Variants in SORCS2 observed in about 807,000 individuals in gnomAD.
The protein encoded by SORCS2 is VPS10 domain-containing receptor SorCS2.
Under a neutral mutation model 141.6 loss-of-function variants are expected in SORCS2, and 100 were observed. That is an observed-to-expected ratio of 0.71 (90% CI 0.60 to 0.83). SORCS2 has a LOEUF of 0.83. Among genes scored for constraint, SORCS2 ranks in the 40% least tolerant of loss-of-function variants. The probability of loss-of-function intolerance (pLI) is 0.00; values close to 1 mark genes in which losing one functional copy is unlikely to be tolerated. For missense variants in SORCS2, 1,646 were observed against 1,560.2 expected (o/e 1.05, Z -0.93); for synonymous variants, 789 against 676.9 (o/e 1.17, Z -2.57).
At chr4:7,540,705 G>A (rs747419623) in intron 3 of SORCS2, among the ~76,000 whole-genome samples, 13 of 152,232 alleles carry the variant, frequency 8.5e-5, no homozygotes, top group Non-Finnish European at 1.6e-4. Flanking sequence ...GGAGGGCGGG[G>A]GAGACAGAGT....
At chr4:7,367,283 C>T (rs926399748) in intron 1 of SORCS2, among the ~76,000 whole-genome samples, 15 of 152,322 alleles carry the variant, frequency 9.8e-5, no homozygotes, top group African/African-American at 3.1e-4. Flanking sequence ...TGAGTGTGTC[C>T]AGAGAATGGT....
Position 7,349,120 on chromosome 4 carries a change from G to A in SORCS2, c.481-47168G>A, listed in dbSNP as rs1000709318. Among the ~76,000 whole-genome samples the A allele has an allele frequency of 1.1e-4, 17 of 152,178 alleles. 1 individual carries two copies. Among genetic ancestry groups the A allele is most frequent in the Non-Finnish European group, 2.1e-4 (14 of 68,044 alleles). On this transcript the variant is annotated intron_variant, in intron 1 of 26. Transcript: ENST00000507866. ...TCACTGAGCTTGGTGCTTGCAGTAT[G>A]TTAGCATACTTCATCATTGCGCAAG...
chr4:7,446,447 T>G (rs56288346), intron 2 of SORCS2, among the ~76,000 whole-genome samples: 74,022 of 152,070 alleles, frequency 0.49, 20,361 homozygotes, highest in Middle Eastern at 0.6. Context: ...CATAGGGTCA[T>G]CATTGAGTAT....
chr4:7,386,466 C>G (rs1319728268), intron 1 of SORCS2, among the ~76,000 whole-genome samples: 3 of 89,470 alleles, frequency 3.4e-5, no homozygotes, highest in Non-Finnish European at 6.9e-5. Context: ...CACGCACACA[C>G]ATGCACACAC....
intron 1 of SORCS2, among the ~76,000 whole-genome samples, chr4:7,373,401 TG>T (rs1452779845): frequency 6.8e-6 from 1 of 146,904 alleles, no homozygotes; most frequent in Non-Finnish European, 1.5e-5. Flanking sequence ...TATTCAAATT[TG>T]GGGGTCATTT....
intron 2 of SORCS2, among the ~76,000 whole-genome samples, chr4:7,448,037 A>C (rs1055671028): frequency 2.0e-5 from 3 of 152,150 alleles, no homozygotes; most frequent in African/African-American, 7.2e-5. Flanking sequence ...TGCTGGGGTC[A>C]GCGGAGGCTC....
intron 1 of SORCS2, among the ~76,000 whole-genome samples, chr4:7,278,340 G>A (rs1715646680): frequency 1.3e-5 from 2 of 152,158 alleles, no homozygotes; most frequent in African/African-American, 2.4e-5. Context: ...GCGTGACGGG[G>A]TCTTCGTTCT....
chr4:7,269,940 C>T lies in SORCS2; in HGVS notation c.480+76814C>T, dbSNP rs146047058. Among the ~76,000 whole-genome samples, 24 of 152,302 alleles carry T rather than the reference C, an allele frequency of 1.6e-4. No homozygotes were observed. The East Asian group carries it at 3.7e-3, about 23-fold the overall frequency. On this transcript the variant is annotated intron_variant, in intron 1 of 26. Coordinates refer to ENST00000507866, the MANE Select transcript of SORCS2 (RefSeq NM_020777.3). ...TGTCACCCAGGCTGGAGTGCAGTGG[C>T]GAGATCTTGGCTCACTGCAACCTCT...
chr4:7,439,279 C>G (rs558205665), intron 2 of SORCS2, among the ~76,000 whole-genome samples: 2 of 152,274 alleles, frequency 1.3e-5, no homozygotes, highest in South Asian at 4.1e-4. Flanking sequence ...ACTTCCAACA[C>G]TCAGTGCAGT....
chr4:7,450,468 G>A, intron 2 of SORCS2, among the ~76,000 whole-genome samples: 1 of 152,214 alleles, frequency 6.6e-6, no homozygotes. Flanking sequence ...CTGCTCAGCA[G>A]CTTCTGGGTA....
At chr4:7,518,697 C>A (rs1020357976) in intron 2 of SORCS2, among the ~76,000 whole-genome samples, 1 of 152,154 alleles carries the variant, frequency 6.6e-6, no homozygotes, top group Non-Finnish European at 1.5e-5. Flanking sequence ...GTGTGTCCTT[C>A]CTGACCAAGT....
chr4:7,206,230 C>G (rs904005949), intron 1 of SORCS2, among the ~76,000 whole-genome samples: 2 of 152,180 alleles, frequency 1.3e-5, no homozygotes, highest in African/African-American at 4.8e-5. Context: ...CTGGTCTCCT[C>G]CAGCCCACTA....
rs1277278801 is a variant in SORCS2, at chr4:7,387,954, GCACA to G, written c.481-8325_481-8322del. Among the ~76,000 whole-genome samples the G allele has an allele frequency of 8.2e-3, 475 of 57,812 alleles. 7 individuals carry two copies. The highest frequency in any genetic ancestry group is 0.039 in the African/African-American group (456 of 11,554). 37.9% of individuals were successfully genotyped at this position (57,812 alleles called of 152,430 possible). The stretch of plus-strand genomic sequence containing the variant: ...CACACACCGATACACATACACACAT[GCACA>G]CACACACAGATACACAGAGATACAC... On this transcript the variant is annotated intron_variant, in intron 1 of 26. Coordinates refer to ENST00000507866, the MANE Select transcript of SORCS2 (RefSeq NM_020777.3).
At chr4:7,456,843 C>T (rs1266796938) in intron 2 of SORCS2, among the ~76,000 whole-genome samples, 1 of 152,044 alleles carries the variant, frequency 6.6e-6, no homozygotes, top group Non-Finnish European at 1.5e-5. Context: ...TTGGGGCCTG[C>T]AGAATTCCAC....
At chr4:7,246,456 C>A (rs1043593251) in intron 1 of SORCS2, among the ~76,000 whole-genome samples, 2 of 145,806 alleles carry the variant, frequency 1.4e-5, no homozygotes, top group Admixed American at 1.3e-4. Flanking sequence ...CACATCTCAC[C>A]TGGGGCTTAA....
At chr4:7,423,839 A>G (rs904564587) in intron 2 of SORCS2, among the ~76,000 whole-genome samples, 1 of 152,156 alleles carries the variant, frequency 6.6e-6, no homozygotes, top group African/African-American at 2.4e-5. Context: ...ACCCAGCAAC[A>G]CTGATTTGTA....
chr4:7,309,124 A>G (rs1327190793), intron 1 of SORCS2, among the ~76,000 whole-genome samples: 1 of 152,174 alleles, frequency 6.6e-6, no homozygotes, highest in East Asian at 1.9e-4. Flanking sequence ...GGTTGTCAGC[A>G]CTTGGAAAGG....
intron 1 of SORCS2, among the ~76,000 whole-genome samples, chr4:7,379,470 A>G (rs377462089): frequency 5.3e-5 from 8 of 152,236 alleles, no homozygotes; most frequent in Admixed American, 2.0e-4. Context: ...AGTTGTGCAC[A>G]TGGAAAGGCT....
chr4:7,514,147 G>C (rs1732832755), intron 2 of SORCS2, among the ~76,000 whole-genome samples: 2 of 152,194 alleles, frequency 1.3e-5, no homozygotes, highest in Non-Finnish European at 2.9e-5. Context: ...GGAGCCGACA[G>C]CTCCATGGCA....
Sources: allele counts gnomAD v4.1 joint callset (sites outside exome capture counted in the v4.1 genomes callset), GRCh38; gene constraint gnomAD v4.1.1; transcripts MANE v1.5; gene names NCBI Gene and HGNC (gene_info 2026-07-23, HGNC 2026-07-21).